Variants in UBE2G1 observed in about 807,000 individuals in gnomAD.
The protein encoded by UBE2G1 is ubiquitin-conjugating enzyme E2 G1.
UBE2G1 carries 5 observed loss-of-function variants against 22.7 expected under a neutral mutation model. That is an observed-to-expected ratio of 0.22 (90% CI 0.12 to 0.46). UBE2G1 has a LOEUF of 0.46. Ranked by LOEUF, UBE2G1 falls within the 20% of genes least tolerant of loss-of-function variation. The pLI is 0.99. For synonymous variants in UBE2G1, 74 were observed against 67.5 expected (o/e 1.10, Z -0.47); for missense variants, 88 against 203.9 (o/e 0.43, Z 3.46).
At chr17:4,302,109 T>C in intron 2 of UBE2G1, 1 of 525,920 alleles carries the variant, frequency 1.9e-6, no homozygotes, top group Non-Finnish European at 3.9e-6. Flanking sequence ...GTGGCTCATA[T>C]TTATCATCTG....
At chr17:4,345,277 A>G (rs1969755999) in intron 1 of UBE2G1, among the ~76,000 whole-genome samples, 1 of 152,250 alleles carries the variant, frequency 6.6e-6, no homozygotes. Flanking sequence ...ATGTTTAGCC[A>G]AAGGTAATCT....
At chr17:4,276,006 C>T (rs1968817406) in intron 5 of UBE2G1, among the ~76,000 whole-genome samples, 1 of 152,170 alleles carries the variant, frequency 6.6e-6, no homozygotes, top group South Asian at 2.1e-4. Context: ...GTCTCTGTCT[C>T]TTCCTTCTGT....
intron 1 of UBE2G1, among the ~76,000 whole-genome samples, chr17:4,337,035 A>G (rs1038327242): frequency 2.6e-5 from 4 of 152,200 alleles, no homozygotes; most frequent in Admixed American, 6.6e-5. Flanking sequence ...TAGACTTGAC[A>G]TTTATGTACT....
At chr17:4,347,376 T>C (rs1969789320) in intron 1 of UBE2G1, among the ~76,000 whole-genome samples, 1 of 152,056 alleles carries the variant, frequency 6.6e-6, no homozygotes, top group Non-Finnish European at 1.5e-5. Flanking sequence ...AATTGAAGGT[T>C]CATCAAGCAA....
chr17:4,315,072 AC>A (rs1444265906), intron 1 of UBE2G1, among the ~76,000 whole-genome samples: 3 of 152,100 alleles, frequency 2.0e-5, no homozygotes, highest in Non-Finnish European at 4.4e-5. Context: ...GGGTTTTCTT[AC>A]CATTTTTAGA....
intron 1 of UBE2G1, among the ~76,000 whole-genome samples, chr17:4,359,138 A>G (rs781219111): frequency 1.6e-4 from 25 of 152,140 alleles, no homozygotes; most frequent in Non-Finnish European, 2.4e-4. Flanking sequence ...AAAAATTCCT[A>G]TTTGATAAAA....
At chr17:4,289,159 A>G in intron 4 of UBE2G1, 71 bp downstream of exon 4, 1 of 1,370,646 alleles carries the variant, frequency 7.3e-7, no homozygotes, top group East Asian at 2.6e-5. Context: ...ATACTTACAT[A>G]CATACTAACT....
At position 4,307,041 on chromosome 17, in the gene UBE2G1, A is replaced by C. The variant is rs1012848307; in HGVS notation, c.129T>G (p.Ile43Met). 1 of 1,613,940 alleles carries C rather than the reference A, an allele frequency of 6.2e-7. No individual in the cohort carries two copies. The highest frequency in any genetic ancestry group is 1.1e-5 in the South Asian group (1 of 91,084). ...CTTACTAAAGTGTATCTGGAGGGCC[A>C]ATAATAAGGACTTCCCATCGGTAGA... Reference protein sequence around the residue: ...NDLYRWEVLIIGPPDTLYEGG... With the variant: ...NDLYRWEVLIMGPPDTLYEGG... Residue 43 changes from isoleucine to methionine, a missense_variant, in exon 2 of 6, where the codon ATT becomes ATG. Coordinates refer to ENST00000396981, the MANE Select transcript of UBE2G1 (RefSeq NM_003342.5).
In UBE2G1 at chr17:4,341,842, C is replaced by T. The variant is rs115516194; in HGVS notation, c.46+24429G>A. Among the ~76,000 whole-genome samples the T allele has an allele frequency of 3.1e-3, 474 of 152,246 alleles. 1 individual carries two copies. The highest frequency in any genetic ancestry group is 0.01 in the African/African-American group (434 of 41,556). On this transcript the variant is annotated intron_variant, in intron 1 of 5. Coordinates refer to ENST00000396981, the MANE Select transcript of UBE2G1 (RefSeq NM_003342.5). ...TTTTTGACACAGCTGATCTCTCTTCCCTTGAAGCTTTCTTCACTTGGCTTA... is the reference window on the plus strand; with the variant it reads ...TTTTTGACACAGCTGATCTCTCTTCTCTTGAAGCTTTCTTCACTTGGCTTA...
At chr17:4,303,290 G>A (rs558887001) in intron 2 of UBE2G1, among the ~76,000 whole-genome samples, 30 of 152,184 alleles carry the variant, frequency 2.0e-4, no homozygotes, top group Non-Finnish European at 4.0e-4. Flanking sequence ...CAAACAGTCT[G>A]TACAGTTTTT....
intron 1 of UBE2G1, among the ~76,000 whole-genome samples, chr17:4,340,908 A>AC (rs1567527540): frequency 6.6e-6 from 1 of 150,832 alleles, no homozygotes. Context: ...AAAAAAAAAA[A>AC]AAAACAAAAC....
chr17:4,273,057 T>TGCC (rs1243443937), intron 5 of UBE2G1, among the ~76,000 whole-genome samples: 2 of 152,218 alleles, frequency 1.3e-5, no homozygotes, highest in East Asian at 3.8e-4. Flanking sequence ...CCACAAAGCC[T>TGCC]GCCACAAATG....
At chr17:4,299,808 C>T (rs1969152703) in intron 2 of UBE2G1, among the ~76,000 whole-genome samples, 1 of 146,646 alleles carries the variant, frequency 6.8e-6, no homozygotes, top group African/African-American at 2.5e-5. Flanking sequence ...CCTGCCCCTC[C>T]CCTCTTTTCC....
chr17:4,315,796 GCTC>G (rs1418623336), intron 1 of UBE2G1, among the ~76,000 whole-genome samples: 1 of 78,372 alleles, frequency 1.3e-5, no homozygotes, highest in African/African-American at 3.5e-5. Context: ...AAGAAAAGAG[GCTC>G]CTTTTTTTTT....
chr17:4,318,083 C>A (rs1190661092), intron 1 of UBE2G1, among the ~76,000 whole-genome samples: 2 of 152,122 alleles, frequency 1.3e-5, no homozygotes, highest in East Asian at 3.8e-4. Context: ...TTTTGAGTCT[C>A]ATTTTCCTTA....
At chr17:4,279,697 C>G (rs1328963099) in intron 5 of UBE2G1, among the ~76,000 whole-genome samples, 1 of 151,472 alleles carries the variant, frequency 6.6e-6, no homozygotes, top group Non-Finnish European at 1.5e-5. Flanking sequence ...ACTGCTTGAA[C>G]CCAGGAGACG....
chr17:4,302,185 T>C (rs116556366), intron 2 of UBE2G1: 15 of 512,434 alleles, frequency 2.9e-5, no homozygotes, highest in African/African-American at 2.7e-4. Flanking sequence ...ACAGACAAAT[T>C]TGGATTTTCT....
intron 1 of UBE2G1, among the ~76,000 whole-genome samples, chr17:4,330,145 C>T (rs1969554765): frequency 6.6e-6 from 1 of 151,902 alleles, no homozygotes; most frequent in South Asian, 2.1e-4. Context: ...GTATGAAGTA[C>T]ATTCATGGAA....
At chr17:4,329,075 G>A (rs955695419) in intron 1 of UBE2G1, among the ~76,000 whole-genome samples, 3 of 136,936 alleles carry the variant, frequency 2.2e-5, no homozygotes, top group African/African-American at 8.5e-5. Flanking sequence ...ATGCACTCCA[G>A]CCTGGGTGAC....
Sources: allele counts gnomAD v4.1 joint callset (sites outside exome capture counted in the v4.1 genomes callset), GRCh38; gene constraint gnomAD v4.1.1; transcripts MANE v1.5; gene names NCBI Gene and HGNC (gene_info 2026-07-23, HGNC 2026-07-21).